Variants in TMEM132C observed in about 807,000 individuals in gnomAD.
The protein encoded by TMEM132C is transmembrane protein 132C.
A neutral mutation model predicts 61.4 loss-of-function variants in TMEM132C; 29 were observed. The ratio of observed to expected loss-of-function variants is 0.47; its 90% CI spans 0.35 to 0.64. The LOEUF (loss-of-function observed/expected upper bound fraction) is 0.64, where lower values mean the gene tolerates loss of function less well. Among genes scored for constraint, TMEM132C ranks in the 30% least tolerant of loss-of-function variants. The pLI is 0.00. For missense variants in TMEM132C, 1,408 were observed against 1,476.9 expected (o/e 0.95, Z 0.76); for synonymous variants, 656 against 633.1 (o/e 1.04, Z -0.54).
At chr12:128,292,228 C>T (rs768258125) in intron 1 of TMEM132C, among the ~76,000 whole-genome samples, 14 of 152,160 alleles carry the variant, frequency 9.2e-5, no homozygotes, top group Admixed American at 1.3e-4. Flanking sequence ...AGTTTGCTTT[C>T]TGTTTCTTGC....
intron 2 of TMEM132C, among the ~76,000 whole-genome samples, chr12:128,489,305 A>G (rs1014612377): frequency 6.6e-6 from 1 of 151,532 alleles, no homozygotes; most frequent in Non-Finnish European, 1.5e-5. Flanking sequence ...ACTCACCTTG[A>G]CTTTCTTCTT....
intron 1 of TMEM132C, among the ~76,000 whole-genome samples, chr12:128,345,967 T>A (rs1873148563): frequency 2.0e-5 from 3 of 152,212 alleles, no homozygotes; most frequent in Non-Finnish European, 4.4e-5. Context: ...TGCCCATGCC[T>A]GTGTTCTGAA....
intron 1 of TMEM132C, among the ~76,000 whole-genome samples, chr12:128,315,280 G>A (rs1432359313): frequency 2.6e-5 from 4 of 152,130 alleles, no homozygotes; most frequent in African/African-American, 2.4e-5. Context: ...TGTGTGGAGA[G>A]GAACGGGATG....
chr12:128,622,188 A>G (rs1953968645), intron 4 of TMEM132C, among the ~76,000 whole-genome samples: 1 of 151,018 alleles, frequency 6.6e-6, no homozygotes, highest in African/African-American at 2.4e-5. Context: ...TACTAAAAAT[A>G]CTAAAATTAG....
rs115839850 is a variant in TMEM132C, at chr12:128,338,130, C to A, written c.85+70643C>A. 4.9e-3 allele frequency among the ~76,000 whole-genome samples: 740 copies of A among 151,654 alleles called. 6 individuals are homozygous for A. Among genetic ancestry groups the A allele is most frequent in the African/African-American group, 0.017 (701 of 41,238 alleles). ...TGATTTTTACTGGCTATCTGGAGAACCTCTCAAAGCAATATTCAGATTCCT... is the reference window on the plus strand; with the variant it reads ...TGATTTTTACTGGCTATCTGGAGAAACTCTCAAAGCAATATTCAGATTCCT... On this transcript the variant is annotated intron_variant, in intron 1 of 8. Transcript: ENST00000435159.
chr12:128,547,114 C>T (rs529797365), intron 3 of TMEM132C, among the ~76,000 whole-genome samples: 4 of 152,310 alleles, frequency 2.6e-5, no homozygotes, highest in East Asian at 3.9e-4. Context: ...AGCACTGCCA[C>T]GGGCAATGGT....
chr12:128,472,131 G>A (rs1371325711), intron 2 of TMEM132C, among the ~76,000 whole-genome samples: 4 of 152,174 alleles, frequency 2.6e-5, no homozygotes, highest in African/African-American at 9.7e-5. Context: ...TCTTGACACA[G>A]ATGGTTCAGG....
At chr12:128,641,626 G>A (rs544707014) in intron 4 of TMEM132C, among the ~76,000 whole-genome samples, 6 of 152,200 alleles carry the variant, frequency 3.9e-5, no homozygotes, top group Admixed American at 1.3e-4. Context: ...AAACCTCCCC[G>A]GGGTCTTCAG....
At chr12:128,603,302 A>C (rs1876270086) in intron 3 of TMEM132C, among the ~76,000 whole-genome samples, 1 of 152,214 alleles carries the variant, frequency 6.6e-6, no homozygotes. Context: ...ACAGCACAAC[A>C]GAGTCCCCTT....
chr12:128,386,945 G>A (rs900521110), intron 1 of TMEM132C, among the ~76,000 whole-genome samples: 13 of 152,022 alleles, frequency 8.6e-5, no homozygotes, highest in African/African-American at 1.9e-4. Context: ...CCCGGGCAAC[G>A]TAGTGAGACC....
chr12:128,658,509 A>G (rs1954352213), intron 4 of TMEM132C, among the ~76,000 whole-genome samples: 1 of 151,014 alleles, frequency 6.6e-6, no homozygotes, highest in Non-Finnish European at 1.5e-5. Context: ...GGAAGACATG[A>G]TCTTTTTTTT....
chr12:128,480,206 G>T (rs1871275416), intron 2 of TMEM132C, among the ~76,000 whole-genome samples: 1 of 152,164 alleles, frequency 6.6e-6, no homozygotes, highest in Admixed American at 6.5e-5. Flanking sequence ...GCTGCAGTGA[G>T]ATACGATTGT....
rs573238659 is a variant in TMEM132C at position 128,492,811 on chromosome 12, C to A, written c.975-51146C>A. On this transcript the variant is annotated intron_variant, in intron 2 of 8. Transcript: ENST00000435159. The stretch of plus-strand genomic sequence containing the variant: ...TCCCATTCTGTAGGTTGCCTGTTCA[C>A]TCTGATGGTAGTTTCTTTTGCTGTG... 1.4e-4 allele frequency among the ~76,000 whole-genome samples: 21 copies of A among 152,316 alleles called. No homozygotes were observed. In the East Asian group the frequency reaches 3.7e-3, roughly 27 times the overall value.
intron 1 of TMEM132C, among the ~76,000 whole-genome samples, chr12:128,402,382 C>G (rs1449749769): frequency 6.6e-6 from 1 of 152,116 alleles, no homozygotes; most frequent in Non-Finnish European, 1.5e-5. Context: ...TTTTCCTGAT[C>G]CTCTCCCTCC....
chr12:128,580,112 G>A lies in TMEM132C; in HGVS notation c.1121+36009G>A, dbSNP rs1468495516. 5.3e-5 allele frequency among the ~76,000 whole-genome samples: 8 copies of A among 152,296 alleles called. No homozygotes were observed. The East Asian group carries it at 1.5e-3, about 29-fold the overall frequency. On this transcript the variant is annotated intron_variant, in intron 3 of 8. Transcript: ENST00000435159. ...GACAACGTAATCTCTCCAAGCCTCA[G>A]TTCCCCCATCTGTAAAGTGGGAATA...
intron 1 of TMEM132C, among the ~76,000 whole-genome samples, chr12:128,407,424 A>T (rs1313858607): frequency 6.6e-6 from 1 of 152,126 alleles, no homozygotes; most frequent in East Asian, 1.9e-4. Flanking sequence ...TCAATTCTTG[A>T]TGACTGCTGG....
chr12:128,704,906 G>C (rs959404523), intron 8 of TMEM132C, among the ~76,000 whole-genome samples, 184 bp from the exon 9 acceptor site: 1 of 152,200 alleles, frequency 6.6e-6, no homozygotes, highest in Non-Finnish European at 1.5e-5. Flanking sequence ...ATTTGTTCTT[G>C]TTTAAATTAA....
chr12:128,602,399 A>C (rs1387437), intron 3 of TMEM132C, among the ~76,000 whole-genome samples: 99,976 of 152,034 alleles, frequency 0.66, 32,990 homozygotes, highest in South Asian at 0.73. Context: ...TCTGATAAGG[A>C]ATTTCCAGTT....
chr12:128,282,204 A>G (rs1456064477), intron 1 of TMEM132C, among the ~76,000 whole-genome samples: 2 of 152,262 alleles, frequency 1.3e-5, no homozygotes, highest in East Asian at 3.8e-4. Flanking sequence ...ACATTCTCTT[A>G]CAAAAGCACA....
Sources: allele counts gnomAD v4.1 joint callset (sites outside exome capture counted in the v4.1 genomes callset), GRCh38; gene constraint gnomAD v4.1.1; transcripts MANE v1.5; gene names NCBI Gene and HGNC (gene_info 2026-07-23, HGNC 2026-07-21).